PVT1: variants seen among roughly 807,000 people sequenced by gnomAD.
PVT1 encodes Pvt1 oncogene, also known as CXCR4/PVT1 fusion.
intron 4 of PVT1, among the ~76,000 whole-genome samples, chr8:127,998,602 T>G (rs999869333): frequency 6.7e-6 from 1 of 150,266 alleles, no homozygotes; most frequent in African/African-American, 2.5e-5. Context: ...TTCTTTTTTC[T>G]TTTCTTTCCT....
At chr8:127,878,064 T>C (rs1288781507) in intron 2 of PVT1, among the ~76,000 whole-genome samples, 2 of 152,210 alleles carry the variant, frequency 1.3e-5, no homozygotes, top group East Asian at 3.8e-4. Context: ...CCTTGAGTCA[T>C]TGTTTGACGG....
intron 3 of PVT1, among the ~76,000 whole-genome samples, chr8:127,891,484 A>G (rs1488608241): frequency 6.6e-6 from 1 of 152,222 alleles, no homozygotes; most frequent in African/African-American, 2.4e-5. Flanking sequence ...GTGGAGGCAG[A>G]CAGGCCTGGG....
intron 4 of PVT1, chr8:127,998,407 A>G (rs1817131656): frequency 1.3e-5 from 2 of 152,116 alleles, no homozygotes; most frequent in South Asian, 2.1e-4. Context: ...ATCCAATAAT[A>G]TGGTTTTATT....
rs909663815 is a variant in PVT1 at position 127,967,307 on chromosome 8, C to T, written n.783-21855C>T. The stretch of plus-strand genomic sequence containing the variant: ...TGAAGTGGGGAGAAGGAGAGGTTAA[C>T]TTCTGGGGGGCTTAGAGAAGAGGGG... On this transcript the variant is annotated intron_variant and non_coding_transcript_variant, in intron 3 of 10. Transcript: ENST00000651587. 6.6e-5 allele frequency among the ~76,000 whole-genome samples: 10 copies of T among 151,726 alleles called. No homozygotes were observed. The East Asian group carries it at 1.5e-3, about 24-fold the overall frequency.
rs117284869 is a variant in PVT1, at chr8:127,906,353, G to A, written n.782+15355G>A. On this transcript the variant is annotated intron_variant and non_coding_transcript_variant, in intron 3 of 10. Coordinates refer to ENST00000651587, the Ensembl canonical transcript of PVT1. ...TGGGGTTTCATTTGCTCTCTAGTTA[G>A]CACCAAAATAAATCCTCCAAATGGC... is the stretch of plus-strand genomic sequence containing the variant. 3.9e-3 allele frequency among the ~76,000 whole-genome samples: 594 copies of A among 152,256 alleles called. 4 individuals are homozygous for A. Among genetic ancestry groups the A allele is most frequent in the Admixed American group, 7.3e-3 (111 of 15,294 alleles).
intron 5 of PVT1, among the ~76,000 whole-genome samples, chr8:128,081,583 T>C (rs75323783): frequency 6.6e-6 from 1 of 152,252 alleles, no homozygotes; most frequent in Non-Finnish European, 1.5e-5. Flanking sequence ...TGGCTAATGT[T>C]ATTAAATGTT....
At position 127,910,910 on chromosome 8, in the gene PVT1, T is replaced by TGA. The variant is rs1365743205; in HGVS notation, n.782+19913_782+19914insAG. On this transcript the variant is annotated intron_variant and non_coding_transcript_variant, in intron 3 of 10. Coordinates refer to ENST00000651587, the Ensembl canonical transcript of PVT1. The stretch of plus-strand genomic sequence containing the variant: ...GTGTGTGTTTGTGTGTGTGTGTGTG[T>TGA]GTGAGAGAGAGAGAGAGAGAGATTG... 2.0e-3 allele frequency among the ~76,000 whole-genome samples: 288 copies of TGA among 143,496 alleles called. 3 individuals are homozygous for TGA. The East Asian group carries it at 0.035, about 17-fold the overall frequency. 94.1% of individuals were successfully genotyped at this position (143,496 alleles called of 152,430 possible).
intron 3 of PVT1, among the ~76,000 whole-genome samples, chr8:127,968,705 G>T (rs1462871949): frequency 6.6e-6 from 1 of 152,182 alleles, no homozygotes; most frequent in African/African-American, 2.4e-5. Context: ...TTAGTTGGAA[G>T]GATCTTTGAG....
At chr8:127,824,154 C>G (rs1199525470) in intron 2 of PVT1, among the ~76,000 whole-genome samples, 4 of 152,150 alleles carry the variant, frequency 2.6e-5, no homozygotes, top group African/African-American at 9.7e-5. Flanking sequence ...GCATTCCAGC[C>G]TGGGTGACAG....
At chr8:128,088,821 AG>A (rs796135219) in intron 5 of PVT1, among the ~76,000 whole-genome samples, 4 of 152,240 alleles carry the variant, frequency 2.6e-5, no homozygotes, top group African/African-American at 9.6e-5. Context: ...TACACCCACA[AG>A]CAAGAGGCTA....
intron 5 of PVT1, among the ~76,000 whole-genome samples, chr8:128,092,721 A>C (rs146714159): frequency 6.6e-6 from 1 of 152,170 alleles, no homozygotes; most frequent in South Asian, 2.1e-4. Flanking sequence ...GCCTTGAGAG[A>C]GGCAGAGACT....
intron 4 of PVT1, chr8:128,049,068 G>A: frequency 2.1e-6 from 1 of 484,182 alleles, no homozygotes; most frequent in South Asian, 1.5e-5. Context: ...ATATTACCCA[G>A]CAAGGGATGA....
chr8:128,073,561 C>T (rs1434838792), intron 5 of PVT1, among the ~76,000 whole-genome samples: 1 of 152,146 alleles, frequency 6.6e-6, no homozygotes, highest in East Asian at 1.9e-4. Context: ...AGCTCCCAGG[C>T]AGTACTGATG....
In PVT1 at chr8:127,860,244, C is replaced by A. The variant is rs986794980; in HGVS notation, n.373-30345C>A. ...GCCGGCTCCTGGCAGAATCGGCTTCCAGCTCTGGGCACTGGGGTGCGGTGT... is the reference window on the plus strand; with the variant it reads ...GCCGGCTCCTGGCAGAATCGGCTTCAAGCTCTGGGCACTGGGGTGCGGTGT... On this transcript the variant is annotated intron_variant and non_coding_transcript_variant, in intron 2 of 10. Coordinates refer to ENST00000651587, the Ensembl canonical transcript of PVT1. Among the ~76,000 whole-genome samples, 4 of 152,296 alleles carry A rather than the reference C, an allele frequency of 2.6e-5. No individual in the cohort carries two copies. The South Asian group carries it at 8.3e-4, about 32-fold the overall frequency.
Position 127,918,646 on chromosome 8 carries a change from G to A in PVT1, n.782+27648G>A, listed in dbSNP as rs79961324. Among the ~76,000 whole-genome samples the A allele has an allele frequency of 1.8e-4, 27 of 152,276 alleles. No individual in the cohort carries two copies. The East Asian group carries it at 4.8e-3, about 27-fold the overall frequency. Reference sequence around the variant, plus strand: ...ACATAGTAGGCCCTCCATAAAGTAAGAAGGGACACTTTGCTCCTGACATCC... The same window carrying A: ...ACATAGTAGGCCCTCCATAAAGTAAAAAGGGACACTTTGCTCCTGACATCC... On this transcript the variant is annotated intron_variant and non_coding_transcript_variant, in intron 3 of 10. Coordinates refer to ENST00000651587, the Ensembl canonical transcript of PVT1.
chr8:127,986,608 C>T (rs966743660), intron 3 of PVT1, among the ~76,000 whole-genome samples: 3 of 152,162 alleles, frequency 2.0e-5, no homozygotes, highest in Admixed American at 6.5e-5. Flanking sequence ...CAATTATTGG[C>T]ATTGGCATAT....
At chr8:128,003,161 C>CTT (rs71300290) in intron 4 of PVT1, among the ~76,000 whole-genome samples, 18,085 of 127,918 alleles carry the variant, frequency 0.14, 1,737 homozygotes, top group Admixed American at 0.25. Flanking sequence ...ACCACCACAC[C>CTT]TTTTTTTTTT....
Position 127,805,265 on chromosome 8 carries a change from C to T in PVT1, n.372+9194C>T, listed in dbSNP as rs2129649957. The stretch of plus-strand genomic sequence containing the variant: ...TTTTTATTGGGTAGATATTTCTGTT[C>T]AGTGACTGTTTCGTTGCTTACTTTA... On this transcript the variant is annotated intron_variant and non_coding_transcript_variant, in intron 2 of 10. Transcript: ENST00000651587. Among the ~76,000 whole-genome samples the T allele has an allele frequency of 1.3e-5, 2 of 152,142 alleles. 1 individual carries two copies. Among genetic ancestry groups the T allele is most frequent in the South Asian group, 4.2e-4 (2 of 4,818 alleles).
intron 5 of PVT1, among the ~76,000 whole-genome samples, chr8:128,075,143 TC>T (rs1814068672): frequency 6.6e-6 from 1 of 152,230 alleles, no homozygotes; most frequent in Non-Finnish European, 1.5e-5. Context: ...TCTTTTTTTT[TC>T]AAGATGGCAG....
Sources: gnomAD v4.1 joint callset for allele counts (sites outside exome capture counted in the v4.1 genomes callset) on GRCh38, gnomAD v4.1.1 for gene constraint, MANE v1.5 for transcripts, NCBI Gene and HGNC (gene_info 2026-07-23, HGNC 2026-07-21) for gene names.